Variants in CDH12 observed in about 807,000 individuals in gnomAD.
CDH12 encodes cadherin-12.
CDH12 carries 41 observed loss-of-function variants against 74.1 expected under a neutral mutation model. The ratio of observed to expected loss-of-function variants is 0.55; its 90% confidence interval spans 0.43 to 0.72. The LOEUF (loss-of-function observed/expected upper bound fraction) is 0.72. Ranked by LOEUF, CDH12 falls within the 30% of genes least tolerant of loss-of-function variation. The probability of loss-of-function intolerance (pLI) is 0.00; values close to 1 mark genes in which losing one functional copy is unlikely to be tolerated. For missense variants in CDH12, 945 were observed against 977.2 expected, an observed-to-expected ratio of 0.97 and a Z score of 0.44; for synonymous variants, 399 against 355.0, an observed-to-expected ratio of 1.12 and a Z score of -1.39.
intron 6 of CDH12, among the ~76,000 whole-genome samples, chr5:21,938,461 A>G (rs1341894362): frequency 2.0e-5 from 3 of 147,468 alleles, no homozygotes; most frequent in Non-Finnish European, 4.5e-5. Flanking sequence ...AGTTATGTAC[A>G]GTGGAATATG....
intron 1 of CDH12, among the ~76,000 whole-genome samples, chr5:22,597,867 A>G (rs1476547406): frequency 6.6e-6 from 1 of 152,188 alleles, no homozygotes; most frequent in Non-Finnish European, 1.5e-5. Context: ...TATCTCAAAT[A>G]TAGAAAATTA....
At chr5:21,783,636 T>G (rs1746040966) in intron 10 of CDH12, 142 bp from the exon 11 acceptor site, 1 of 632,348 alleles carries the variant, frequency 1.6e-6, no homozygotes, top group East Asian at 2.7e-5. Flanking sequence ...AAATGACAGC[T>G]TCTTTATTGC....
chr5:22,782,181 T>C (rs1301699793), intron 1 of CDH12, among the ~76,000 whole-genome samples: 1 of 152,162 alleles, frequency 6.6e-6, no homozygotes, highest in Non-Finnish European at 1.5e-5. Context: ...CTTGGGGGAC[T>C]GTTGGGAAGA....
At chr5:21,781,254 G>A (rs1745891447) in intron 11 of CDH12, among the ~76,000 whole-genome samples, 1 of 152,178 alleles carries the variant, frequency 6.6e-6, no homozygotes, top group Non-Finnish European at 1.5e-5. Flanking sequence ...AAGCCTGCCT[G>A]CTAAGCAAGG....
intron 2 of CDH12, among the ~76,000 whole-genome samples, chr5:22,488,402 A>G (rs1017584836): frequency 1.3e-5 from 2 of 152,162 alleles, no homozygotes; most frequent in Non-Finnish European, 2.9e-5. Flanking sequence ...AAAAATTGCA[A>G]TTTTGTAAAG....
chr5:21,951,240 A>G (rs1234956831), intron 6 of CDH12, among the ~76,000 whole-genome samples: 1 of 152,022 alleles, frequency 6.6e-6, no homozygotes, highest in Non-Finnish European at 1.5e-5. Flanking sequence ...TAAAAAGATT[A>G]TTAATATTTA....
At position 21,951,627 on chromosome 5, in the gene CDH12, G is replaced by T. The variant is rs575845268; in HGVS notation, c.526+23464C>A. The stretch of plus-strand genomic sequence containing the variant: ...ATTTCACTTTCTAATTCAGTTACCT[G>T]TTGAAACTAAATTAAAATATATTCA... On this transcript the variant is annotated intron_variant, in intron 6 of 14. Transcript: ENST00000382254. 5.9e-5 allele frequency among the ~76,000 whole-genome samples: 9 copies of T among 152,260 alleles called. No individual in the cohort carries two copies. In the East Asian group the frequency reaches 1.7e-3, roughly 29 times the overall value.
intron 6 of CDH12, among the ~76,000 whole-genome samples, chr5:21,914,561 A>C (rs1456602700): frequency 6.6e-6 from 1 of 152,158 alleles, no homozygotes; most frequent in Non-Finnish European, 1.5e-5. Context: ...GGCTCATGTG[A>C]TTATGACACT....
intron 4 of CDH12, among the ~76,000 whole-genome samples, chr5:22,118,631 G>A (rs1447469121): frequency 6.6e-6 from 1 of 151,978 alleles, no homozygotes. Context: ...TTACTAAAAT[G>A]TCTGCCTTTT....
At chr5:21,779,190 A>C (rs1745770325) in intron 11 of CDH12, 1 of 151,974 alleles carries the variant, frequency 6.6e-6, no homozygotes, top group South Asian at 2.1e-4. Flanking sequence ...AGTTATGTTT[A>C]GTTATATTTA....
chr5:22,129,957 T>A (rs115449623), intron 4 of CDH12, among the ~76,000 whole-genome samples: 1,646 of 152,174 alleles, frequency 0.011, 30 homozygotes, highest in African/African-American at 0.038. Context: ...AGCTGTGTAA[T>A]AAAACAAAGA....
At chr5:22,530,370 T>G (rs752358690) in intron 1 of CDH12, among the ~76,000 whole-genome samples, 8 of 152,156 alleles carry the variant, frequency 5.3e-5, no homozygotes, top group Non-Finnish European at 8.8e-5. Flanking sequence ...AAAATCATAT[T>G]AAAGTCTGGT....
intron 4 of CDH12, among the ~76,000 whole-genome samples, chr5:22,095,637 T>C (rs932983763): frequency 6.6e-6 from 1 of 151,674 alleles, no homozygotes; most frequent in Admixed American, 6.6e-5. Flanking sequence ...TAGTGGCAAG[T>C]ACTGCTTTTC....
intron 1 of CDH12, among the ~76,000 whole-genome samples, chr5:22,624,358 G>A (rs562850820): frequency 7.0e-4 from 106 of 152,118 alleles, no homozygotes; most frequent in Middle Eastern, 3.4e-3. Flanking sequence ...AACTACCATC[G>A]GAGTGAACAG....
At position 22,051,203 on chromosome 5, in the gene CDH12, C is replaced by G. The variant is rs111933719; in HGVS notation, c.231+27243G>C. On this transcript the variant is annotated intron_variant, in intron 5 of 14. Coordinates refer to ENST00000382254, the MANE Select transcript of CDH12 (RefSeq NM_004061.5). ...GGACCCACCGGGAGATGGAATCCCCCTCTTGCCCCATCCTTGATGTTATTT... is the reference window on the plus strand; with the variant it reads ...GGACCCACCGGGAGATGGAATCCCCGTCTTGCCCCATCCTTGATGTTATTT... 2.5e-3 allele frequency among the ~76,000 whole-genome samples: 388 copies of G among 152,162 alleles called. 1 individual carries two copies. The highest frequency in any genetic ancestry group is 8.9e-3 in the African/African-American group (370 of 41,530).
intron 4 of CDH12, among the ~76,000 whole-genome samples, chr5:22,083,285 T>C (rs1742859532): frequency 6.6e-6 from 1 of 152,220 alleles, no homozygotes; most frequent in South Asian, 2.1e-4. Flanking sequence ...ACCCTTGCCA[T>C]TCTCTTCCTT....
chr5:22,002,220 CAAAT>C (rs1736648278), intron 5 of CDH12, among the ~76,000 whole-genome samples: 1 of 151,858 alleles, frequency 6.6e-6, no homozygotes, highest in Non-Finnish European at 1.5e-5. Context: ...TTTTAAATGA[CAAAT>C]GAATACTTTA....
chr5:22,606,197 T>A (rs1455283792), intron 1 of CDH12, among the ~76,000 whole-genome samples: 2 of 152,136 alleles, frequency 1.3e-5, no homozygotes, highest in East Asian at 3.9e-4. Context: ...ATCTTTGAAT[T>A]TAGGGACAGG....
chr5:22,315,748 A>G (rs1007575638), intron 3 of CDH12, among the ~76,000 whole-genome samples: 6 of 152,154 alleles, frequency 3.9e-5, no homozygotes, highest in African/African-American at 1.4e-4. Context: ...TTGGAAATAT[A>G]TTATGGATGA....
Sources: allele counts gnomAD v4.1 joint callset (sites outside exome capture counted in the v4.1 genomes callset), GRCh38; gene constraint gnomAD v4.1.1; transcripts MANE v1.5; gene names NCBI Gene and HGNC (gene_info 2026-07-23, HGNC 2026-07-21).